CRIM1: variants seen among roughly 807,000 people sequenced by gnomAD.
The protein encoded by CRIM1 is cysteine-rich motor neuron 1 protein.
A neutral mutation model predicts 116.4 loss-of-function variants in CRIM1; 32 were observed. The ratio of observed to expected loss-of-function variants is 0.27; its 90% confidence interval spans 0.21 to 0.37. The LOEUF (loss-of-function observed/expected upper bound fraction) is 0.37. Ranked by LOEUF, CRIM1 falls within the 10% of genes least tolerant of loss-of-function variation. The pLI, the probability that CRIM1 is intolerant of heterozygous loss-of-function variation, is 1.00. For missense variants in CRIM1, 1,331 were observed against 1,354.8 expected, an observed-to-expected ratio of 0.98 and a Z score of 0.28; for synonymous variants, 590 against 509.2, an observed-to-expected ratio of 1.16 and a Z score of -2.13.
chr2:36,528,274 G>A (rs1015679024), intron 13 of CRIM1, among the ~76,000 whole-genome samples: 8 of 152,244 alleles, frequency 5.3e-5, no homozygotes, highest in Non-Finnish European at 1.0e-4. Context: ...TTTCGAGGCC[G>A]AGAATATCTT....
chr2:36,538,366 AC>A (rs1418681170), intron 14 of CRIM1, among the ~76,000 whole-genome samples: 2 of 152,062 alleles, frequency 1.3e-5, no homozygotes, highest in Non-Finnish European at 2.9e-5. Context: ...GGTGGTATAG[AC>A]CACACAGACC....
At chr2:36,424,544 G>A (rs1674307391) in intron 2 of CRIM1, among the ~76,000 whole-genome samples, 2 of 152,216 alleles carry the variant, frequency 1.3e-5, no homozygotes, top group Non-Finnish European at 2.9e-5. Flanking sequence ...CAGTAGGGCT[G>A]TGTCCTTGGG....
At position 36,522,197 on chromosome 2, in the gene CRIM1, T is replaced by A; in HGVS notation, c.2312T>A (p.Val771Asp). Residue 771 changes from valine (V) to aspartate (D), a missense_variant, in exon 13 of 17, where the codon GTT becomes GAT. Physicochemically the swap from Val to Asp is radical, Grantham distance 152. Transcript: ENST00000280527. ...FLAAESWKPDVCTSCICIDSV... is the reference protein window; with the variant it reads ...FLAAESWKPDDCTSCICIDSV... ...GCAGCTGAGTCCTGGAAGCCTGACG[T>A]TTGTACCAGCTGCATCTGCATTGAT... is the stretch of plus-strand genomic sequence containing the variant. The A allele has an allele frequency of 6.2e-7, 1 of 1,614,180 alleles. No homozygotes were observed. The highest frequency in any genetic ancestry group is 8.5e-7 in the Non-Finnish European group (1 of 1,180,010).
chr2:36,502,517 T>C (rs1681072463), intron 8 of CRIM1, among the ~76,000 whole-genome samples: 1 of 151,844 alleles, frequency 6.6e-6, no homozygotes, highest in Admixed American at 6.6e-5. Context: ...ATAGCTGGCC[T>C]TCCTTCCTTC....
intron 11 of CRIM1, among the ~76,000 whole-genome samples, chr2:36,515,176 AC>A (rs1664956857): frequency 1.3e-5 from 2 of 152,252 alleles, no homozygotes; most frequent in Non-Finnish European, 2.9e-5. Context: ...AGGGATTTGT[AC>A]CTGGGTCTTT....
intron 6 of CRIM1, among the ~76,000 whole-genome samples, chr2:36,478,382 T>C (rs532173760): frequency 6.6e-6 from 1 of 152,316 alleles, no homozygotes; most frequent in South Asian, 2.1e-4. Flanking sequence ...GCTGTAAAAA[T>C]GTAGATACGA....
intron 2 of CRIM1, among the ~76,000 whole-genome samples, chr2:36,440,211 T>G (rs905743106): frequency 6.6e-6 from 1 of 152,226 alleles, no homozygotes; most frequent in African/African-American, 2.4e-5. Flanking sequence ...CCTCAGACGT[T>G]CTTTATCTAC....
intron 2 of CRIM1, among the ~76,000 whole-genome samples, chr2:36,428,721 T>C (rs1195367330): frequency 6.6e-6 from 1 of 152,242 alleles, no homozygotes; most frequent in Non-Finnish European, 1.5e-5. Flanking sequence ...ATTACTTGTT[T>C]GAGTGTTTCT....
intron 1 of CRIM1, among the ~76,000 whole-genome samples, chr2:36,360,768 A>G (rs1669173707): frequency 6.6e-6 from 1 of 152,194 alleles, no homozygotes; most frequent in Non-Finnish European, 1.5e-5. Context: ...ACCACTCTGT[A>G]GTAGGGCCTG....
chr2:36,401,708 T>G (rs1170806113), intron 2 of CRIM1, among the ~76,000 whole-genome samples: 2 of 152,234 alleles, frequency 1.3e-5, no homozygotes, highest in Non-Finnish European at 2.9e-5. Context: ...GGTACATGGC[T>G]TTTAAAAAAA....
chr2:36,396,927 A>T (rs943985052), intron 2 of CRIM1, 140 bp downstream of exon 2: 2 of 692,110 alleles, frequency 2.9e-6, no homozygotes, highest in African/African-American at 3.6e-5. Flanking sequence ...TAAGATGCAT[A>T]AAGTTTACCA....
In CRIM1 at chr2:36,546,987, T is replaced by C. The variant is rs144985477; in HGVS notation, c.2750T>C (p.Met917Thr). The C allele has an allele frequency of 1.6e-5, 26 of 1,577,550 alleles. No individual in the cohort carries two copies. The highest frequency in any genetic ancestry group is 2.1e-5 in the Non-Finnish European group (24 of 1,161,582). ...ENDIVHLPRD[M>T]GHLQVDYRDN... ...CTTATAATTTTTTTTCTCCTAGATA[T>C]GGGTCACCTCCAGGTAGATTACAGA... The change falls in exon 16 of 17, where the codon ATG becomes ACG. Residue 917 changes from methionine (M) to threonine (T), a missense_variant. Around this residue, in one of 3 missense-constraint regions of CRIM1, gnomAD observed 283 missense variants for 242.8 expected, o/e 1.17. Coordinates refer to ENST00000280527, the MANE Select transcript of CRIM1 (RefSeq NM_016441.3).
chr2:36,528,201 T>C (rs1414497445), intron 13 of CRIM1, among the ~76,000 whole-genome samples: 1 of 152,240 alleles, frequency 6.6e-6, no homozygotes, highest in Non-Finnish European at 1.5e-5. Context: ...TGTCTCACTG[T>C]TAAATGTAGC....
intron 1 of CRIM1, among the ~76,000 whole-genome samples, chr2:36,390,663 T>C (rs540101836): frequency 1.1e-3 from 162 of 152,174 alleles, no homozygotes; most frequent in African/African-American, 3.5e-3. Context: ...TTTCCCCAGA[T>C]AGTTTAATAC....
chr2:36,545,273 T>A (rs1667240115), intron 15 of CRIM1, among the ~76,000 whole-genome samples: 1 of 152,206 alleles, frequency 6.6e-6, no homozygotes. Flanking sequence ...TATGCTTGGA[T>A]CAAACCAGAT....
At chr2:36,548,454 A>C in intron 16 of CRIM1, 71 bp from the exon 17 acceptor site, 2 of 1,197,986 alleles carry the variant, frequency 1.7e-6, no homozygotes, top group Non-Finnish European at 2.3e-6. Flanking sequence ...TTAGGTACTA[A>C]ATTTCTGTTC....
At chr2:36,381,075 T>C (rs966439681) in intron 1 of CRIM1, among the ~76,000 whole-genome samples, 3 of 152,178 alleles carry the variant, frequency 2.0e-5, no homozygotes, top group African/African-American at 7.2e-5. Context: ...TGCTGAACTT[T>C]TCCCTGCCAG....
chr2:36,525,228 A>G (rs1013311107), intron 13 of CRIM1, among the ~76,000 whole-genome samples: 6 of 152,208 alleles, frequency 3.9e-5, no homozygotes, highest in African/African-American at 1.2e-4. Flanking sequence ...TTACTTTGCA[A>G]GTAGCGTTGT....
chr2:36,416,527 CCTA>C (rs1673636055), intron 2 of CRIM1, among the ~76,000 whole-genome samples: 1 of 152,184 alleles, frequency 6.6e-6, no homozygotes, highest in African/African-American at 2.4e-5. Flanking sequence ...AGATGTAACT[CCTA>C]CTACAACACT....
Sources: gnomAD v4.1 joint callset for allele counts (sites outside exome capture counted in the v4.1 genomes callset) on GRCh38, gnomAD v4.1.1 for gene constraint, gnomAD v4.1.1 regional missense constraint, MANE v1.5 for transcripts, NCBI Gene and HGNC (gene_info 2026-07-23, HGNC 2026-07-21) for gene names.